SUCLG2: variants seen among roughly 807,000 people sequenced by gnomAD.
SUCLG2 encodes succinate-CoA ligase GDP-forming subunit beta, also known as succinate--CoA ligase [GDP-forming] subunit beta, mitochondrial.
A neutral mutation model predicts 47.9 loss-of-function variants in SUCLG2; 42 were observed. That is an observed-to-expected ratio of 0.88 (90% CI 0.69 to 1.14). SUCLG2 has a LOEUF of 1.14. Ranked by LOEUF, SUCLG2 falls within the 50% of genes most tolerant of loss-of-function variation. SUCLG2 has a pLI of 0.00. For synonymous variants in SUCLG2, 195 were observed against 197.3 expected (o/e 0.99, Z 0.10); for missense variants, 571 against 525.9 (o/e 1.09, Z -0.84).
intron 9 of SUCLG2, among the ~76,000 whole-genome samples, chr3:67,468,331 G>C (rs896070010): frequency 5.3e-5 from 8 of 152,166 alleles, no homozygotes; most frequent in African/African-American, 1.9e-4. Flanking sequence ...AATATTTTCT[G>C]CTTCACACTC....
chr3:67,479,429 A>G (rs1438441800), intron 9 of SUCLG2, among the ~76,000 whole-genome samples: 4 of 152,236 alleles, frequency 2.6e-5, no homozygotes, highest in Non-Finnish European at 5.9e-5. Context: ...TTTCTTGACC[A>G]AACATCAAAG....
intron 10 of SUCLG2, among the ~76,000 whole-genome samples, chr3:67,385,740 TTC>T (rs1326335683): frequency 6.6e-6 from 1 of 152,220 alleles, no homozygotes; most frequent in Non-Finnish European, 1.5e-5. Context: ...CTCCAACTAC[TTC>T]TTTTTTCTTT....
intron 9 of SUCLG2, among the ~76,000 whole-genome samples, chr3:67,480,849 G>A (rs1336921788): frequency 2.0e-5 from 3 of 152,174 alleles, no homozygotes; most frequent in African/African-American, 7.2e-5. Context: ...CATACAGAGA[G>A]AAAGAAGGCA....
intron 1 of SUCLG2, among the ~76,000 whole-genome samples, chr3:67,640,521 C>CT (rs1373045642): frequency 6.6e-6 from 1 of 151,942 alleles, no homozygotes; most frequent in African/African-American, 2.4e-5. Context: ...TCCTAGATGA[C>CT]TTCATCTACA....
At chr3:67,406,524 G>C (rs558167001) in intron 9 of SUCLG2, among the ~76,000 whole-genome samples, 2 of 152,266 alleles carry the variant, frequency 1.3e-5, no homozygotes, top group African/African-American at 4.8e-5. Context: ...GTTGGGAAGA[G>C]GGCAGGTAGA....
At chr3:67,460,335 T>C (rs1704301468) in intron 9 of SUCLG2, among the ~76,000 whole-genome samples, 1 of 152,204 alleles carries the variant, frequency 6.6e-6, no homozygotes, top group South Asian at 2.1e-4. Context: ...GTGACAATAA[T>C]AATGATAGCA....
At chr3:67,373,577 A>C (rs1238220198), downstream of SUCLG2, among the ~76,000 whole-genome samples, 1 of 152,162 alleles carries the variant, frequency 6.6e-6, no homozygotes, top group Non-Finnish European at 1.5e-5. Context: ...ATAGAAGACC[A>C]CAAAAATTAT....
At chr3:67,555,390 G>A (rs1365753051) in intron 2 of SUCLG2, among the ~76,000 whole-genome samples, 2 of 152,106 alleles carry the variant, frequency 1.3e-5, no homozygotes, top group African/African-American at 4.8e-5. Context: ...ATATATGTGT[G>A]TTTGTGTATG....
intron 6 of SUCLG2, chr3:67,514,184 C>G: frequency 3.0e-6 from 1 of 333,188 alleles, no homozygotes; most frequent in Non-Finnish European, 6.1e-6. Context: ...AATTTCACCC[C>G]TAAAAACTCA....
chr3:67,633,508 A>G (rs989217285), intron 1 of SUCLG2, among the ~76,000 whole-genome samples: 9 of 152,354 alleles, frequency 5.9e-5, no homozygotes, highest in Admixed American at 2.0e-4. Flanking sequence ...TTCATGTTCT[A>G]TAGCCTATAA....
intron 10 of SUCLG2, among the ~76,000 whole-genome samples, chr3:67,378,728 T>C (rs1023644593): frequency 1.6e-4 from 24 of 152,374 alleles, no homozygotes; most frequent in African/African-American, 4.1e-4. Context: ...TGTTAAGTGC[T>C]GATAGGTAAG....
chr3:67,425,450 GA>G (rs1703274018), intron 9 of SUCLG2, among the ~76,000 whole-genome samples: 1 of 152,126 alleles, frequency 6.6e-6, no homozygotes. Flanking sequence ...TGAATTCATA[GA>G]CTGAATAGAG....
At chr3:67,453,023 C>CT (rs80282696) in intron 9 of SUCLG2, among the ~76,000 whole-genome samples, 5,006 of 152,210 alleles carry the variant, frequency 0.033, 132 homozygotes, top group East Asian at 0.13. Flanking sequence ...TTCTGAACTC[C>CT]TTTAAGTTCT....
chr3:67,628,108 A>G (rs1039064181), intron 1 of SUCLG2, among the ~76,000 whole-genome samples: 1 of 152,222 alleles, frequency 6.6e-6, no homozygotes, highest in Non-Finnish European at 1.5e-5. Flanking sequence ...ACTGGACCCC[A>G]AATGATAAAA....
chr3:67,469,934 A>T (rs1009349695), intron 9 of SUCLG2, among the ~76,000 whole-genome samples: 17 of 151,548 alleles, frequency 1.1e-4, no homozygotes, highest in African/African-American at 3.9e-4. Context: ...AATCCCAGCT[A>T]CTCAGGAGGC....
At chr3:67,518,661 G>A (rs1387453255) in intron 5 of SUCLG2, among the ~76,000 whole-genome samples, 1 of 152,158 alleles carries the variant, frequency 6.6e-6, no homozygotes, top group Non-Finnish European at 1.5e-5. Flanking sequence ...CTTTTGGAAG[G>A]TTTCCAAAGT....
intron 10 of SUCLG2, among the ~76,000 whole-genome samples, chr3:67,391,514 A>T (rs1190548646): frequency 6.6e-6 from 1 of 152,168 alleles, no homozygotes; most frequent in Non-Finnish European, 1.5e-5. Context: ...CTTCGTGGCT[A>T]TTCATTCTTC....
chr3:67,638,964 T>G (rs957479273), intron 1 of SUCLG2, among the ~76,000 whole-genome samples: 8 of 151,962 alleles, frequency 5.3e-5, no homozygotes, highest in African/African-American at 1.9e-4. Flanking sequence ...CATAGAAGTT[T>G]AAGAAAATAA....
chr3:67,517,598 A>G (rs936896770), intron 6 of SUCLG2, among the ~76,000 whole-genome samples: 9 of 152,032 alleles, frequency 5.9e-5, no homozygotes, highest in African/African-American at 2.2e-4. Context: ...CGATACTAAG[A>G]CAGATTCTGT....
Sources: gnomAD v4.1 joint callset for allele counts (sites outside exome capture counted in the v4.1 genomes callset) on GRCh38, gnomAD v4.1.1 for gene constraint, MANE v1.5 for transcripts, NCBI Gene and HGNC (gene_info 2026-07-23, HGNC 2026-07-21) for gene names.